NKAIN2: variants seen among roughly 807,000 people sequenced by gnomAD.
The protein encoded by NKAIN2 is sodium/potassium transporting ATPase interacting 2.
In NKAIN2, 14 loss-of-function variants were observed where a neutral mutation model predicts 32.6. The observed-to-expected ratio is 0.43, with a 90% CI of 0.28 to 0.67. NKAIN2 has a LOEUF of 0.67. Ranked by LOEUF, NKAIN2 falls within the 30% of genes least tolerant of loss-of-function variation. The probability of loss-of-function intolerance (pLI) is 0.17; values close to 1 mark genes in which losing one functional copy is unlikely to be tolerated. For synonymous variants in NKAIN2, 80 were observed against 87.2 expected (o/e 0.92, Z 0.46); for missense variants, 198 against 258.3 (o/e 0.77, Z 1.60).
rs180776357 is a variant in NKAIN2, at chr6:123,939,514, C to T, written c.54+135260C>T. Reference sequence around the variant, plus strand: ...GTAAAATGTGACTCATGGATAGATACATATGTATGACCACCAATACATAAA... The same window carrying T: ...GTAAAATGTGACTCATGGATAGATATATATGTATGACCACCAATACATAAA... On this transcript the variant is annotated intron_variant, in intron 1 of 6. Coordinates refer to ENST00000368417, the MANE Select transcript of NKAIN2 (RefSeq NM_001040214.3). 2.0e-5 allele frequency among the ~76,000 whole-genome samples: 3 copies of T among 152,014 alleles called. No individual in the cohort carries two copies. In the East Asian group the frequency reaches 5.8e-4, roughly 29 times the overall value.
chr6:123,909,757 T>G (rs144980350), intron 1 of NKAIN2, among the ~76,000 whole-genome samples: 1 of 152,076 alleles, frequency 6.6e-6, no homozygotes, highest in African/African-American at 2.4e-5. Flanking sequence ...TATCACAGAG[T>G]ACAAAGAAAT....
At chr6:124,084,931 G>A (rs1582613071) in intron 1 of NKAIN2, among the ~76,000 whole-genome samples, 1 of 151,972 alleles carries the variant, frequency 6.6e-6, no homozygotes, top group African/African-American at 2.4e-5. Flanking sequence ...GAAAAGTAGT[G>A]CACAGCAGGT....
intron 5 of NKAIN2, among the ~76,000 whole-genome samples, chr6:124,815,110 T>C (rs1332799553): frequency 6.6e-6 from 1 of 151,264 alleles, no homozygotes; most frequent in Admixed American, 6.6e-5. Context: ...ACTCGGTAAA[T>C]ACCTCTTAGA....
chr6:123,836,242 G>T (rs889595942), intron 1 of NKAIN2, among the ~76,000 whole-genome samples: 1 of 151,922 alleles, frequency 6.6e-6, no homozygotes, highest in African/African-American at 2.4e-5. Flanking sequence ...AATTGAGTAG[G>T]CTGGACAAAG....
At chr6:124,621,307 T>C (rs1168035501) in intron 3 of NKAIN2, among the ~76,000 whole-genome samples, 1 of 152,214 alleles carries the variant, frequency 6.6e-6, no homozygotes, top group Non-Finnish European at 1.5e-5. Context: ...ACTAAGTGCC[T>C]TCCGTAGTGT....
rs575370594 is a variant in NKAIN2 at position 124,165,553 on chromosome 6, A to T, written c.55-117452A>T. On this transcript the variant is annotated intron_variant, in intron 1 of 6. Transcript: ENST00000368417. ...TATTATACTTTAAGTTTTAGGGTAC[A>T]TGTGCACAATGTGCAGGTTAATTAC... Among the ~76,000 whole-genome samples the T allele has an allele frequency of 6.6e-5, 10 of 152,028 alleles. No individual in the cohort carries two copies. The South Asian group carries it at 1.9e-3, about 28-fold the overall frequency.
At chr6:124,659,688 A>G (rs1677933) in intron 4 of NKAIN2, among the ~76,000 whole-genome samples, 62,339 of 151,724 alleles carry the variant, frequency 0.41, 13,942 homozygotes, top group Admixed American at 0.5. Flanking sequence ...ATCATGGGTT[A>G]CTGTGCCAGA....
chr6:123,908,374 G>T (rs1371335293), intron 1 of NKAIN2, among the ~76,000 whole-genome samples: 2 of 152,128 alleles, frequency 1.3e-5, no homozygotes, highest in Admixed American at 1.3e-4. Flanking sequence ...AGGCTCTTCA[G>T]CTCTTGCTAG....
At chr6:124,486,381 A>T (rs953363676) in intron 3 of NKAIN2, among the ~76,000 whole-genome samples, 3 of 151,458 alleles carry the variant, frequency 2.0e-5, no homozygotes, top group Non-Finnish European at 2.9e-5. Flanking sequence ...AAAACCTCTT[A>T]CTCCTTTATT....
chr6:124,715,979 T>C (rs1583707768), intron 4 of NKAIN2, among the ~76,000 whole-genome samples: 4 of 152,318 alleles, frequency 2.6e-5, no homozygotes, highest in Admixed American at 2.6e-4. Flanking sequence ...TTTGGGCTGT[T>C]CTTTGGTATT....
Position 124,768,764 on chromosome 6 carries a change from C to G in NKAIN2, c.475-22575C>G, listed in dbSNP as rs75282564. Among the ~76,000 whole-genome samples, 270 of 152,120 alleles carry G rather than the reference C, an allele frequency of 1.8e-3. 5 individuals are homozygous for G. In the East Asian group the frequency reaches 0.045, roughly 25 times the overall value. ...AAACAAAACTTTTGTTTGATTTTCT[C>G]CATCTTACCAGCAGGATTTTAGTAA... On this transcript the variant is annotated intron_variant, in intron 4 of 6. Coordinates refer to ENST00000368417, the MANE Select transcript of NKAIN2 (RefSeq NM_001040214.3).
At chr6:123,902,807 T>C (rs765122532) in intron 1 of NKAIN2, among the ~76,000 whole-genome samples, 1 of 152,216 alleles carries the variant, frequency 6.6e-6, no homozygotes, top group Non-Finnish European at 1.5e-5. Context: ...AACCAACTCA[T>C]CTTTTTAATT....
intron 4 of NKAIN2, among the ~76,000 whole-genome samples, chr6:124,674,224 T>A (rs1773250396): frequency 6.6e-6 from 1 of 152,068 alleles, no homozygotes; most frequent in Non-Finnish European, 1.5e-5. Flanking sequence ...TCTATATGTA[T>A]CTGTTGTTAT....
intron 1 of NKAIN2, among the ~76,000 whole-genome samples, chr6:123,838,736 G>A (rs1774734844): frequency 6.6e-6 from 1 of 152,040 alleles, no homozygotes; most frequent in South Asian, 2.1e-4. Flanking sequence ...TCTACTCAAG[G>A]GGGTCAGGGG....
chr6:124,152,974 A>G (rs1373117504), intron 1 of NKAIN2, among the ~76,000 whole-genome samples: 1 of 151,856 alleles, frequency 6.6e-6, no homozygotes. Context: ...CAGTTAGCAT[A>G]ATGGTGGTTG....
chr6:124,453,787 C>T (rs966211781), intron 3 of NKAIN2, among the ~76,000 whole-genome samples: 1 of 152,016 alleles, frequency 6.6e-6, no homozygotes, highest in East Asian at 1.9e-4. Flanking sequence ...AGATTTGCCT[C>T]ATCCACAGGG....
At chr6:124,316,819 ATCAT>A (rs1157296303) in intron 2 of NKAIN2, among the ~76,000 whole-genome samples, 1 of 152,162 alleles carries the variant, frequency 6.6e-6, no homozygotes, top group Non-Finnish European at 1.5e-5. Context: ...CTGGGAAAGC[ATCAT>A]TATATATTTA....
chr6:124,151,127 G>A (rs563646377), intron 1 of NKAIN2, among the ~76,000 whole-genome samples: 1 of 151,680 alleles, frequency 6.6e-6, no homozygotes, highest in African/African-American at 2.4e-5. Context: ...ATAGAAGATT[G>A]ATTACCCATG....
At chr6:124,519,446 A>G (rs957302651) in intron 3 of NKAIN2, among the ~76,000 whole-genome samples, 4 of 152,184 alleles carry the variant, frequency 2.6e-5, no homozygotes, top group African/African-American at 7.2e-5. Flanking sequence ...GAATTACACT[A>G]CTGGAGAGGA....
Sources: gnomAD v4.1 joint callset for allele counts (sites outside exome capture counted in the v4.1 genomes callset) on GRCh38, gnomAD v4.1.1 for gene constraint, MANE v1.5 for transcripts, NCBI Gene and HGNC (gene_info 2026-07-23, HGNC 2026-07-21) for gene names.